The following DYSF variants were observed in gnomAD, a reference collection of about 807,000 sequenced individuals.
DYSF encodes dystrophy-associated fer-1-like 1.
Under a neutral mutation model 274.9 loss-of-function variants are expected in DYSF, and 212 were observed. The ratio of observed to expected loss-of-function variants is 0.77; its 90% CI spans 0.69 to 0.86. The LOEUF is 0.86. Ranked by LOEUF, DYSF falls within the 40% of genes least tolerant of loss-of-function variation. The pLI, the probability that DYSF is intolerant of heterozygous loss-of-function variation, is 0.00. For missense variants in DYSF, 2,666 were observed against 2,783.2 expected (o/e 0.96, Z 0.95); for synonymous variants, 1,091 against 1,078.7 (o/e 1.01, Z -0.22).
At chr2:71,592,589 A>G (rs1475526099) in intron 32 of DYSF, among the ~76,000 whole-genome samples, 1 of 152,130 alleles carries the variant, frequency 6.6e-6, no homozygotes, top group African/African-American at 2.4e-5. Context: ...CATTTCTCTG[A>G]GGAAACTCAT....
intron 52 of DYSF, among the ~76,000 whole-genome samples, chr2:71,676,908 A>G (rs1446276458): frequency 6.9e-6 from 1 of 144,790 alleles, no homozygotes; most frequent in African/African-American, 2.6e-5. Flanking sequence ...TATGTAGATC[A>G]TGCTGAGATA....
chr2:71,668,414 G>A (rs572814711), intron 48 of DYSF, among the ~76,000 whole-genome samples: 1 of 152,290 alleles, frequency 6.6e-6, no homozygotes, highest in African/African-American at 2.4e-5. Flanking sequence ...GTCCTGCCAT[G>A]GAAGCCTTCT....
Position 71,598,667 on chromosome 2 carries a change from C to T in DYSF, c.3678C>T (p.Ile1226=), listed in dbSNP as rs148858485. The T allele has an allele frequency of 1.1e-3, 1,776 of 1,613,988 alleles. 2 individuals carry two copies. The highest frequency in any genetic ancestry group is 1.4e-3 in the Admixed American group (83 of 60,002). The part of the protein sequence containing the change: ...TWDQTLIFYE[I]EIFGEPATVA... ...ACCAGACGCTCATCTTCTACGAGAT[C>T]GAGATCTTTGGCGAGCCGGCCACAG... is the stretch of plus-strand genomic sequence containing the variant. Residue 1226 remains isoleucine, a synonymous_variant, in exon 33 of 56, where the codon ATC becomes ATT. Transcript: ENST00000410020.
chr2:71,674,519 T>C (rs568917606), intron 52 of DYSF, among the ~76,000 whole-genome samples: 1 of 152,248 alleles, frequency 6.6e-6, no homozygotes, highest in East Asian at 1.9e-4. Flanking sequence ...GGCCTGTCAG[T>C]AGAGGTGGCA....
chr2:71,551,349 G>A (rs780702488), intron 18 of DYSF, among the ~76,000 whole-genome samples, 193 bp downstream of exon 18: 5 of 152,140 alleles, frequency 3.3e-5, no homozygotes, highest in Non-Finnish European at 7.4e-5. Flanking sequence ...CATGTTCCTC[G>A]CCTTGAAGCA....
chr2:71,534,266 AG>A (rs1318655595), intron 14 of DYSF, among the ~76,000 whole-genome samples: 1 of 152,356 alleles, frequency 6.6e-6, no homozygotes, highest in East Asian at 1.9e-4. Flanking sequence ...TTTCATGTGT[AG>A]AACATGGAAA....
intron 4 of DYSF, among the ~76,000 whole-genome samples, chr2:71,507,995 T>C (rs1241483165): frequency 6.6e-6 from 1 of 152,324 alleles, no homozygotes; most frequent in Non-Finnish European, 1.5e-5. Flanking sequence ...TTTTCATTTG[T>C]GCTGGGCTTG....
chr2:71,491,060 A>G (rs972039663), intron 3 of DYSF, among the ~76,000 whole-genome samples: 1 of 152,178 alleles, frequency 6.6e-6, no homozygotes, highest in Admixed American at 6.5e-5. Flanking sequence ...GTCCCAATTA[A>G]TGTCCACCAA....
chr2:71,486,292 C>T (rs1268264082), intron 3 of DYSF, among the ~76,000 whole-genome samples: 1 of 151,504 alleles, frequency 6.6e-6, no homozygotes, highest in Admixed American at 6.6e-5. Flanking sequence ...CCTCCCTCTT[C>T]CCCACCTCCA....
chr2:71,526,353 G>A lies in DYSF; in HGVS notation c.1276+7G>A. On this transcript the variant is annotated splice_region_variant and intron_variant, in intron 13 of 55. Coordinates refer to ENST00000410020, the MANE Select transcript of DYSF (RefSeq NM_001130987.2). The stretch of plus-strand genomic sequence containing the variant: ...GCCGAGGACTTGCCGCAGAGTGCGT[G>A]GGGCGCGCCCTTGGGTGGGAGGTCT... 1 of 1,613,282 alleles carries A rather than the reference G, an allele frequency of 6.2e-7. No individual in the cohort carries two copies. The highest frequency in any genetic ancestry group is 8.5e-7 in the Non-Finnish European group (1 of 1,179,394).
chr2:71,534,995 A>C, intron 14 of DYSF, 26 bp from the exon 15 acceptor site: 1 of 1,613,860 alleles, frequency 6.2e-7, no homozygotes, highest in African/African-American at 1.3e-5. Flanking sequence ...AGCTTGATCA[A>C]CTTGTCCCCT....
chr2:71,502,686 G>A (rs1049862269), intron 3 of DYSF, among the ~76,000 whole-genome samples: 11 of 152,194 alleles, frequency 7.2e-5, no homozygotes, highest in Admixed American at 2.6e-4. Flanking sequence ...CAGGAGTGGA[G>A]CCTGTTTCCC....
At chr2:71,527,341 A>G (rs1217913997) in intron 13 of DYSF, among the ~76,000 whole-genome samples, 1 of 152,198 alleles carries the variant, frequency 6.6e-6, no homozygotes, top group Admixed American at 6.5e-5. Flanking sequence ...ACTATTTGAG[A>G]GTTTCTGCTT....
At chr2:71,641,462 C>A (rs1025377418) in intron 41 of DYSF, among the ~76,000 whole-genome samples, 61 of 152,116 alleles carry the variant, frequency 4.0e-4, no homozygotes, top group African/African-American at 1.4e-3. Context: ...AAATGTTTAT[C>A]TATTTTAATG....
At chr2:71,544,740 A>C (rs2090329613) in intron 17 of DYSF, among the ~76,000 whole-genome samples, 1 of 152,128 alleles carries the variant, frequency 6.6e-6, no homozygotes. Context: ...CATCGTTTTT[A>C]AGCAAGACAT....
At chr2:71,635,873 G>A (rs1452153661) in intron 41 of DYSF, among the ~76,000 whole-genome samples, 4 of 152,046 alleles carry the variant, frequency 2.6e-5, no homozygotes, top group African/African-American at 4.8e-5. Context: ...ATCAGATGGA[G>A]ATAATCACTG....
At chr2:71,481,140 G>T (rs2082850784) in intron 2 of DYSF, among the ~76,000 whole-genome samples, 1 of 152,172 alleles carries the variant, frequency 6.6e-6, no homozygotes, top group Non-Finnish European at 1.5e-5. Flanking sequence ...TAGGTAAATG[G>T]AGGGGAGCTA....
At chr2:71,503,383 G>A (rs1203413603) in intron 4 of DYSF, 64 bp downstream of exon 4, 2 of 1,542,982 alleles carry the variant, frequency 1.3e-6, no homozygotes, top group African/African-American at 1.4e-5. Context: ...TTCCTCTTTG[G>A]GCCTTGCCAT....
At chr2:71,512,016 C>G (rs988388609) in intron 5 of DYSF, 95 bp downstream of exon 5, 26 of 813,214 alleles carry the variant, frequency 3.2e-5, no homozygotes, top group Non-Finnish European at 4.4e-5. Flanking sequence ...GGCTTCCCAG[C>G]CTTTGCTGCC....
Sources: allele counts gnomAD v4.1 joint callset (sites outside exome capture counted in the v4.1 genomes callset), GRCh38; gene constraint gnomAD v4.1.1; transcripts MANE v1.5; gene names NCBI Gene and HGNC (gene_info 2026-07-23, HGNC 2026-07-21).